The following COL1A1 variants were observed in gnomAD, a reference collection of about 807,000 sequenced individuals.
The protein encoded by COL1A1 is collagen type I alpha 1 chain.
Under a neutral mutation model 195.7 loss-of-function variants are expected in COL1A1, and 21 were observed. That is an observed-to-expected ratio of 0.11 (90% CI 0.08 to 0.15). The LOEUF (loss-of-function observed/expected upper bound fraction) is 0.15. Ranked by LOEUF, COL1A1 falls within the 10% of genes least tolerant of loss-of-function variation. The probability of loss-of-function intolerance (pLI) is 1.00; values close to 1 mark genes in which losing one functional copy is unlikely to be tolerated. For synonymous variants in COL1A1, 749 were observed against 747.3 expected (o/e 1.00, Z -0.04); for missense variants, 1,365 against 2,051.0 (o/e 0.67, Z 6.46).
rs1297076968 is a variant in COL1A1, at chr17:50,187,934, T to C, written c.3311A>G (p.Asp1104Gly). The C allele has an allele frequency of 6.2e-7, 1 of 1,613,946 alleles. No individual in the cohort carries two copies. Among genetic ancestry groups the C allele is most frequent in the South Asian group, 1.1e-5 (1 of 91,066 alleles). Reference sequence around the variant, plus strand: ...GCCACGGTGACCCTTTATGCCTCTGTCGCCCTGTTCGCCTGTCTCACCCTT... The same window carrying C: ...GCCACGGTGACCCTTTATGCCTCTGCCGCCCTGTTCGCCTGTCTCACCCTT... ...GDKGETGEQG[D>G]RGIKGHRGFS... The change falls in exon 45 of 51, where the codon GAC becomes GGC. Residue 1104 changes from aspartate (D) to glycine (G), a missense_variant. By Grantham distance (94) the Asp-to-Gly change is moderately conservative (BLOSUM62 -1). This residue lies in a region of COL1A1 where 671 missense variants were observed against 1,099.9 expected (regional missense o/e 0.61). Transcript: ENST00000225964.
In COL1A1 at chr17:50,194,135, G is replaced by A. The variant is rs778463556; in HGVS notation, c.1663C>T (p.Pro555Ser). 1.4e-5 allele frequency: 23 copies of A among 1,613,634 alleles called. No individual in the cohort carries two copies. Among genetic ancestry groups the A allele is most frequent in the Non-Finnish European group, 3.4e-6 (4 of 1,179,882 alleles). Residue 555 changes from proline (P) to serine (S), a missense_variant, in exon 24 of 51, where the codon CCC becomes TCC. By Grantham distance (74) the Pro-to-Ser change is moderately conservative. This residue lies in a region of COL1A1 where 671 missense variants were observed against 1,099.9 expected (regional missense o/e 0.61). Coordinates refer to ENST00000225964, the MANE Select transcript of COL1A1 (RefSeq NM_000088.4). The surrounding 1 kb of genome is among the most constrained non-coding windows in gnomAD (Gnocchi z 6.8). The stretch of plus-strand genomic sequence containing the variant: ...TCAGGGGGAGTGATACTTACAGGGG[G>A]GCCAGTTTTGCCATCAGGACCAGGG... ...GSPGPDGKTGPPGPAGQDGRP... is the reference protein window; with the variant it reads ...GSPGPDGKTGSPGPAGQDGRP...
In COL1A1 at chr17:50,186,359, C is replaced by T; in HGVS notation, c.3963G>A (p.Lys1321=). ...NWYISKNPKD[K]RHVWFGESMT... Reference sequence around the variant, plus strand: ...TGCTCTCGCCGAACCAGACATGCCTCTTGTCCTTGGGGTTCTTGCTGATGT... The same window carrying T: ...TGCTCTCGCCGAACCAGACATGCCTTTTGTCCTTGGGGTTCTTGCTGATGT... Residue 1321 remains lysine (K), a synonymous_variant, in exon 49 of 51, where the codon AAG becomes AAA. Transcript: ENST00000225964. The surrounding 1 kb of genome is among the most constrained non-coding windows in gnomAD (Gnocchi z 5.3). The T allele has an allele frequency of 6.2e-7, 1 of 1,614,258 alleles. No individual in the cohort carries two copies. Among genetic ancestry groups the T allele is most frequent in the Non-Finnish European group, 8.5e-7 (1 of 1,180,050 alleles).
In COL1A1 at chr17:50,186,186, C is replaced by T; in HGVS notation, c.4005+131G>A. On this transcript the variant is annotated intron_variant, in intron 49 of 50. Transcript: ENST00000225964. The surrounding 1 kb of genome is among the most constrained non-coding windows in gnomAD (Gnocchi z 5.3). ...CTGTGTCTGAACCACTATCAGGGACCTGAGACCCCTGCCTCCCAGCCCAGC... is the reference window on the plus strand; with the variant it reads ...CTGTGTCTGAACCACTATCAGGGACTTGAGACCCCTGCCTCCCAGCCCAGC... 6.6e-7 allele frequency: 1 copy of T among 1,510,778 alleles called. No homozygotes were observed. Among genetic ancestry groups the T allele is most frequent in the South Asian group, 1.1e-5 (1 of 87,374 alleles). The allele number at this position is 1,510,778 out of a possible 1,614,324, so 93.6% of individuals were successfully genotyped here.
Position 50,199,430 on chromosome 17 carries a change from G to A in COL1A1, c.357C>T (p.Pro119=), listed in dbSNP as rs1907873436. Residue 119 remains proline, a synonymous_variant, in exon 4 of 51, where the codon CCC becomes CCT. Coordinates refer to ENST00000225964, the MANE Select transcript of COL1A1 (RefSeq NM_000088.4). ...GVEGPKGDTG[P]RGPRGPAGPP... ...GTGCAACGCTTACCCTTGGGCCTCGGGGGCCAGTGTCTCCCTTGGGTCCCT... is the reference window on the plus strand; with the variant it reads ...GTGCAACGCTTACCCTTGGGCCTCGAGGGCCAGTGTCTCCCTTGGGTCCCT... The A allele has an allele frequency of 6.2e-7, 1 of 1,614,156 alleles. No individual in the cohort carries two copies.
chr17:50,195,548 C>CA lies in COL1A1; in HGVS notation c.1155+18_1155+19insT, dbSNP rs1298902871. 7 of 1,613,940 alleles carry CA rather than the reference C, an allele frequency of 4.3e-6. No individual in the cohort carries two copies. The African/African-American group carries it at 8.0e-5, about 18-fold the overall frequency. On this transcript the variant is annotated intron_variant, in intron 17 of 50. Coordinates refer to ENST00000225964, the MANE Select transcript of COL1A1 (RefSeq NM_000088.4). This position sits in a 1 kb window ranked among gnomAD's most constrained non-coding sequence, Gnocchi z 4.3. ...AGGTTAGAAAGTGGCAAAGGGGACA[C>CA]TGAGTCGGGGACACTTACAGCAGGG...
Position 50,185,468 on chromosome 17 carries a change from G to T in COL1A1, c.*34C>A. The T allele has an allele frequency of 6.8e-6, 11 of 1,613,304 alleles. No individual in the cohort carries two copies. The highest frequency in any genetic ancestry group is 1.1e-5 in the South Asian group (1 of 91,040). On this transcript the variant is annotated 3_prime_UTR_variant, in exon 51 of 51. Coordinates refer to ENST00000225964, the MANE Select transcript of COL1A1 (RefSeq NM_000088.4). ...TTCCGGGTTGGGGGGAAAGTTGGTT[G>T]GGTGGGAGGGAGCCAGGTTGGGATG...
intron 11 of COL1A1, 112 bp from the exon 12 acceptor site, chr17:50,196,782 T>C: frequency 1.5e-6 from 2 of 1,306,506 alleles, no homozygotes. Context: ...CATCCCTTTG[T>C]TTCTGAGCTA....
rs544409032 is a variant in COL1A1 at position 50,188,598 on chromosome 17, C to G, written c.3139G>C (p.Ala1047Pro). The G allele has an allele frequency of 1.2e-5, 19 of 1,613,976 alleles. No homozygotes were observed. The South Asian group carries it at 2.1e-4, about 18-fold the overall frequency. ...GETGPAGPPG[A>P]PGAPGAPGPV... ...CCAGGGGCACCAGGAGCACCAGGAG[C>G]ACCAGGGGGTCCAGCGGGGCCGGTC... Residue 1047 changes from alanine (A) to proline (P), a missense_variant, in exon 43 of 51, where the codon GCT becomes CCT. Ala to Pro is a conservative substitution (Grantham distance 27). Around this residue, in one of 5 missense-constraint regions of COL1A1, gnomAD observed 671 missense variants for 1,099.9 expected, o/e 0.61. Coordinates refer to ENST00000225964, the MANE Select transcript of COL1A1 (RefSeq NM_000088.4). This position sits in a 1 kb window ranked among gnomAD's most constrained non-coding sequence, Gnocchi z 5.6.
At position 50,190,273 on chromosome 17, in the gene COL1A1, C is replaced by A; in HGVS notation, c.2451+54G>T. On this transcript the variant is annotated intron_variant, in intron 35 of 50. Coordinates refer to ENST00000225964, the MANE Select transcript of COL1A1 (RefSeq NM_000088.4). The surrounding 1 kb of genome is among the most constrained non-coding windows in gnomAD (Gnocchi z 4.7). ...ACGCCTTTGTCCTCATTCCGTCCCT[C>A]GAGGTCCCAGGTCCCAGTCGGTGAT... is the stretch of plus-strand genomic sequence containing the variant. 1 of 1,382,268 alleles carries A rather than the reference C, an allele frequency of 7.2e-7. No individual in the cohort carries two copies. Among genetic ancestry groups the A allele is most frequent in the Non-Finnish European group, 1.0e-6 (1 of 968,766 alleles). 85.6% of individuals were successfully genotyped at this position (1,382,268 alleles called of 1,614,324 possible).
intron 25 of COL1A1, 140 bp downstream of exon 25, chr17:50,193,803 T>C: frequency 2.5e-6 from 2 of 787,560 alleles, no homozygotes; most frequent in Non-Finnish European, 4.4e-6. Flanking sequence ...ATTTTACAGA[T>C]AGGGAGGCTG....
rs1173923628 is a variant in COL1A1 at position 50,192,468 on chromosome 17, C to T, written c.1983+7G>A. ...TCCCACCCCTCTGGCCGGCTGCTCCCTCTTACCTGTTCACCAGGTTTGCCT... is the reference window on the plus strand; with the variant it reads ...TCCCACCCCTCTGGCCGGCTGCTCCTTCTTACCTGTTCACCAGGTTTGCCT... On this transcript the variant is annotated splice_region_variant and intron_variant, in intron 29 of 50. Transcript: ENST00000225964. 6.2e-7 allele frequency: 1 copy of T among 1,607,482 alleles called. No homozygotes were observed. The highest frequency in any genetic ancestry group is 8.5e-7 in the Non-Finnish European group (1 of 1,176,610).
chr17:50,193,816 G>GT, intron 25 of COL1A1, 127 bp downstream of exon 25: 1 of 839,080 alleles, frequency 1.2e-6, no homozygotes, highest in Non-Finnish European at 2.0e-6. Flanking sequence ...GGAGGCTGAG[G>GT]TCCAGAAAGT....
Position 50,194,281 on chromosome 17 carries a change from C to A in COL1A1, c.1614+68G>T. 6.2e-7 allele frequency: 1 copy of A among 1,602,552 alleles called. No individual in the cohort carries two copies. Among genetic ancestry groups the A allele is most frequent in the Non-Finnish European group, 8.5e-7 (1 of 1,170,364 alleles). Reference sequence around the variant, plus strand: ...AGACCCTTGGGCCTGATCCAGAACGCCTCATCCCAGACCCTACACGGGATG... The same window carrying A: ...AGACCCTTGGGCCTGATCCAGAACGACTCATCCCAGACCCTACACGGGATG... On this transcript the variant is annotated intron_variant, in intron 23 of 50. Transcript: ENST00000225964. This position sits in a 1 kb window ranked among gnomAD's most constrained non-coding sequence, Gnocchi z 6.8.
Position 50,190,272 on chromosome 17 carries a change from T to C in COL1A1, c.2451+55A>G. Reference sequence around the variant, plus strand: ...GACGCCTTTGTCCTCATTCCGTCCCTCGAGGTCCCAGGTCCCAGTCGGTGA... The same window carrying C: ...GACGCCTTTGTCCTCATTCCGTCCCCCGAGGTCCCAGGTCCCAGTCGGTGA... On this transcript the variant is annotated intron_variant, in intron 35 of 50. Transcript: ENST00000225964. This position sits in a 1 kb window ranked among gnomAD's most constrained non-coding sequence, Gnocchi z 4.7. 1 of 1,374,926 alleles carries C rather than the reference T, an allele frequency of 7.3e-7. No homozygotes were observed. The highest frequency in any genetic ancestry group is 1.0e-6 in the Non-Finnish European group (1 of 963,480). 85.2% of individuals were successfully genotyped at this position (1,374,926 alleles called of 1,614,324 possible).
Position 50,184,374 on chromosome 17 carries a change from G to C in COL1A1, c.*1128C>G, listed in dbSNP as rs537589365. On this transcript the variant is annotated 3_prime_UTR_variant, in exon 51 of 51. Coordinates refer to ENST00000225964, the MANE Select transcript of COL1A1 (RefSeq NM_000088.4). ...GAGGCCTGAGAAGCCAGAGGCAGGT[G>C]GAGAGAGGGTGGAAAGTGAGCAGCG... 40 of 231,296 alleles carry C rather than the reference G, an allele frequency of 1.7e-4. 1 individual carries two copies. In the South Asian group the frequency reaches 6.6e-3, roughly 38 times the overall value. 14.3% of individuals were successfully genotyped at this position (231,296 alleles called of 1,614,324 possible).
At chr17:50,196,455 C>G (rs79768153) in intron 13 of COL1A1, 29 bp downstream of exon 13, 1 of 1,614,168 alleles carries the variant, frequency 6.2e-7, no homozygotes, top group Admixed American at 1.7e-5. Flanking sequence ...CCTGCCCCAT[C>G]CCTGCCCTCT....
rs781595724 is a variant in COL1A1, at chr17:50,189,295, G to T, written c.2830-20C>A. On this transcript the variant is annotated intron_variant, in intron 39 of 50. Transcript: ENST00000225964. This position sits in a 1 kb window ranked among gnomAD's most constrained non-coding sequence, Gnocchi z 5.5. ...AGCACCCTTTGGGAGGCAAACAGGG[G>T]TGAGGTGCCAGAGAGCAGCACAGGG... is the stretch of plus-strand genomic sequence containing the variant. 1 of 1,613,922 alleles carries T rather than the reference G, an allele frequency of 6.2e-7. No homozygotes were observed. The highest frequency in any genetic ancestry group is 8.5e-7 in the Non-Finnish European group (1 of 1,179,918).
At chr17:50,187,792 A>G (rs1435672411) in intron 45 of COL1A1, 84 bp downstream of exon 45, 17 of 1,297,286 alleles carry the variant, frequency 1.3e-5, no homozygotes, top group Non-Finnish European at 4.3e-6. Flanking sequence ...AAGAATGACT[A>G]TCCAGAGGGG....
rs1190026304 is a variant in COL1A1 at position 50,197,301 on chromosome 17, A to G, written c.697-68T>C. 2.0e-6 allele frequency: 3 copies of G among 1,500,516 alleles called. No homozygotes were observed. The Admixed American group carries it at 5.0e-5, about 25-fold the overall frequency. 93.0% of individuals were successfully genotyped at this position (1,500,516 alleles called of 1,614,324 possible). A position where few individuals can be genotyped will look rare whatever the true frequency, so the allele number is the denominator to read the frequency against. On this transcript the variant is annotated intron_variant, in intron 9 of 50. Transcript: ENST00000225964. Reference sequence around the variant, plus strand: ...CACCGCCTAGGGGCTGGAAAAGTGGAGAAGGTCTCAGTCTTCTTTGGATTG... The same window carrying G: ...CACCGCCTAGGGGCTGGAAAAGTGGGGAAGGTCTCAGTCTTCTTTGGATTG...
Sources: gnomAD v4.1 joint callset for allele counts on GRCh38, gnomAD v4.1.1 for gene constraint, gnomAD v4.1.1 regional missense constraint, Gnocchi (gnomAD v3.1) non-coding constraint, MANE v1.5 for transcripts, NCBI Gene and HGNC (gene_info 2026-07-23, HGNC 2026-07-21) for gene names.